PRXL2A: variants seen among roughly 807,000 people sequenced by gnomAD.
The protein encoded by PRXL2A is peroxiredoxin-like 2A.
In PRXL2A, 26 loss-of-function variants were observed where a neutral mutation model predicts 25.6. The observed-to-expected ratio is 1.02, with a 90% CI of 0.74 to 1.41. The LOEUF (loss-of-function observed/expected upper bound fraction) is 1.41. PRXL2A is among the 40% of genes most tolerant of loss of function. The probability of loss-of-function intolerance (pLI) is 0.00; values close to 1 mark genes in which losing one functional copy is unlikely to be tolerated. For synonymous variants in PRXL2A, 98 were observed against 102.9 expected (o/e 0.95, Z 0.29); for missense variants, 246 against 273.9 (o/e 0.90, Z 0.72).
upstream of PRXL2A, among the ~76,000 whole-genome samples, chr10:80,408,157 G>A (rs1325897182): frequency 7.1e-6 from 1 of 140,148 alleles, no homozygotes. Context: ...GATTCCCCCT[G>A]CCCATGGAGG....
chr10:80,427,530 T>C (rs1845090891), intron 5 of PRXL2A, 34 bp downstream of exon 5: 1 of 1,607,658 alleles, frequency 6.2e-7, no homozygotes, highest in African/African-American at 1.3e-5. Context: ...GGTCTGTAGG[T>C]GTCTGTGTCT....
intron 4 of PRXL2A, 76 bp from the exon 5 acceptor site, chr10:80,427,256 C>T (rs1845072430): frequency 6.7e-6 from 9 of 1,343,596 alleles, no homozygotes; most frequent in South Asian, 1.3e-5. Flanking sequence ...ACCAATGCCC[C>T]GTCAGGAGCG....
chr10:80,423,472 T>C (rs1294596802), intron 3 of PRXL2A, among the ~76,000 whole-genome samples: 1 of 152,182 alleles, frequency 6.6e-6, no homozygotes, highest in African/African-American at 2.4e-5. Context: ...CCTGTCCAAA[T>C]TGTCATCCTC....
rs557752150 is a variant in PRXL2A, at chr10:80,434,491, G to A, written c.*2392G>A. On this transcript the variant is annotated 3_prime_UTR_variant, in exon 6 of 6. Transcript: ENST00000606162. ...CACATAAGGACCTTATTAAAATGGA[G>A]ACTTAAAAAGCTGGACGCTAAAGGC... The A allele has an allele frequency of 6.6e-6, 1 of 152,232 alleles. No individual in the cohort carries two copies. Among genetic ancestry groups the A allele is most frequent in the African/African-American group, 2.4e-5 (1 of 41,540 alleles). 9.4% of individuals were successfully genotyped at this position (152,232 alleles called of 1,614,324 possible).
Position 80,416,687 on chromosome 10 carries a change from T to G in PRXL2A, c.-2-3779T>G, listed in dbSNP as rs542760971. ...CAAGCCCAGACCGCCCTCGTGACTT[T>G]ACTTTATTCTGGTGGCTGATGGCCA... On this transcript the variant is annotated intron_variant, in intron 1 of 5. Transcript: ENST00000606162. Among the ~76,000 whole-genome samples, 9 of 152,346 alleles carry G rather than the reference T, an allele frequency of 5.9e-5. No individual in the cohort carries two copies. In the South Asian group the frequency reaches 6.2e-4, roughly 11 times the overall value.
At chr10:80,409,077 C>A in intron 1 of PRXL2A, 1 of 985,362 alleles carries the variant, frequency 1.0e-6, no homozygotes, top group Non-Finnish European at 1.2e-6. Flanking sequence ...AGGTGCGGAC[C>A]TGGCAGTCCT....
In PRXL2A at chr10:80,436,413, G is replaced by A. The variant is rs1361371804; in HGVS notation, c.*4314G>A. ...ATTACAGACATGAGCCACAGCACCA[G>A]GCCAACAATATTTCTTAAAGCTCCT... On this transcript the variant is annotated 3_prime_UTR_variant, in exon 6 of 6. Coordinates refer to ENST00000606162, the MANE Select transcript of PRXL2A (RefSeq NM_032333.5). 6.6e-6 allele frequency: 1 copy of A among 152,190 alleles called. No homozygotes were observed. Among genetic ancestry groups the A allele is most frequent in the East Asian group, 1.9e-4 (1 of 5,200 alleles). The allele number at this position is 152,190 out of a possible 1,614,324, so 9.4% of individuals were successfully genotyped here. A position where few individuals can be genotyped will look rare whatever the true frequency, so the allele number is the denominator to read the frequency against.
At chr10:80,424,239 C>T (rs1844959012) in intron 3 of PRXL2A, among the ~76,000 whole-genome samples, 1 of 151,702 alleles carries the variant, frequency 6.6e-6, no homozygotes, top group Non-Finnish European at 1.5e-5. Context: ...TGTATAGTGC[C>T]ACACCAGGAG....
chr10:80,425,262 A>C (rs1255014276), intron 3 of PRXL2A, among the ~76,000 whole-genome samples: 2 of 152,168 alleles, frequency 1.3e-5, no homozygotes, highest in African/African-American at 4.8e-5. Flanking sequence ...GCTCAGCTGC[A>C]TTCTCCCCAT....
At position 80,436,547 on chromosome 10, in the gene PRXL2A, A is replaced by C. The variant is rs3195900; in HGVS notation, c.*4448A>C. On this transcript the variant is annotated 3_prime_UTR_variant, in exon 6 of 6. Transcript: ENST00000606162. ...TCAGGAGACCTTACCTGGAGCCAGGATGCCCCTGATCATCTCTGATAACTT... is the reference window on the plus strand; with the variant it reads ...TCAGGAGACCTTACCTGGAGCCAGGCTGCCCCTGATCATCTCTGATAACTT... The C allele has an allele frequency of 0.36, 54,158 of 151,836 alleles. 11,053 individuals carry two copies. Among genetic ancestry groups the C allele is most frequent in the East Asian group, 0.82 (4,177 of 5,120 alleles). 9.4% of individuals were successfully genotyped at this position (151,836 alleles called of 1,614,324 possible).
chr10:80,426,027 T>G (rs1210700433), intron 4 of PRXL2A, 21 bp downstream of exon 4: 12 of 1,613,980 alleles, frequency 7.4e-6, no homozygotes, highest in Non-Finnish European at 1.0e-5. Flanking sequence ...TGGGAGGCTT[T>G]TAGACACAGA....
chr10:80,427,575 G>A (rs1027724262), intron 5 of PRXL2A, 79 bp downstream of exon 5: 80 of 1,477,274 alleles, frequency 5.4e-5, no homozygotes, highest in Non-Finnish European at 6.7e-5. Flanking sequence ...GCTGGAGTGG[G>A]GGTTGACTTT....
intron 5 of PRXL2A, among the ~76,000 whole-genome samples, chr10:80,431,768 T>G (rs934137660): frequency 6.6e-6 from 1 of 152,228 alleles, no homozygotes; most frequent in Admixed American, 6.5e-5. Context: ...TCTGACTTCC[T>G]GCTTCTAGAG....
chr10:80,427,142 CAAAAA>C (rs767746938), intron 4 of PRXL2A, among the ~76,000 whole-genome samples, 185 bp from the exon 5 acceptor site: 2 of 91,970 alleles, frequency 2.2e-5, no homozygotes, highest in African/African-American at 7.5e-5. Flanking sequence ...GACTCCATCT[CAAAAA>C]AAAAAAAAAA....
chr10:80,434,370 C>T lies in PRXL2A; in HGVS notation c.*2271C>T, dbSNP rs557151745. The T allele has an allele frequency of 1.3e-5, 2 of 152,112 alleles. No individual in the cohort carries two copies. Among genetic ancestry groups the T allele is most frequent in the Non-Finnish European group, 2.9e-5 (2 of 68,022 alleles). The allele number at this position is 152,112 out of a possible 1,614,324, so 9.4% of individuals were successfully genotyped here. A position where few individuals can be genotyped will look rare whatever the true frequency, so the allele number is the denominator to read the frequency against. On this transcript the variant is annotated 3_prime_UTR_variant, in exon 6 of 6. Coordinates refer to ENST00000606162, the MANE Select transcript of PRXL2A (RefSeq NM_032333.5). ...AGATCTAACTCATTGGCAAAATGGG[C>T]GTGATTCCTTCCCATTCAGGGCTGT...
intron 3 of PRXL2A, among the ~76,000 whole-genome samples, chr10:80,423,543 A>G (rs1174565623): frequency 6.6e-6 from 1 of 152,064 alleles, no homozygotes; most frequent in Non-Finnish European, 1.5e-5. Context: ...TGATCTCTCC[A>G]TGCTTGTGTG....
At chr10:80,413,544 G>C (rs1440942001) in intron 1 of PRXL2A, among the ~76,000 whole-genome samples, 1 of 152,218 alleles carries the variant, frequency 6.6e-6, no homozygotes, top group Non-Finnish European at 1.5e-5. Context: ...TACGAGCTTT[G>C]CTTCTTTAGT....
chr10:80,420,749 A>G (rs1844835494), intron 2 of PRXL2A, 104 bp downstream of exon 2: 1 of 873,244 alleles, frequency 1.1e-6, no homozygotes, highest in African/African-American at 1.7e-5. Context: ...AAAAGATAAT[A>G]TAACAACATT....
At position 80,432,496 on chromosome 10, in the gene PRXL2A, C is replaced by G. The variant is rs780011642; in HGVS notation, c.*397C>G. On this transcript the variant is annotated 3_prime_UTR_variant, in exon 6 of 6. Coordinates refer to ENST00000606162, the MANE Select transcript of PRXL2A (RefSeq NM_032333.5). ...TCTCTACTAAAAATACAAAAATCAC[C>G]CGGGTGTGGTGGCAGGCACCTGTAG... is the stretch of plus-strand genomic sequence containing the variant. 11 of 158,760 alleles carry G rather than the reference C, an allele frequency of 6.9e-5. No homozygotes were observed. The highest frequency in any genetic ancestry group is 1.1e-4 in the Non-Finnish European group (8 of 72,998). 9.8% of individuals were successfully genotyped at this position (158,760 alleles called of 1,614,324 possible).
Sources: gnomAD v4.1 joint callset for allele counts (sites outside exome capture counted in the v4.1 genomes callset) on GRCh38, gnomAD v4.1.1 for gene constraint, MANE v1.5 for transcripts, NCBI Gene and HGNC (gene_info 2026-07-23, HGNC 2026-07-21) for gene names.